XPNPEP1: variants seen among roughly 807,000 people sequenced by gnomAD.
XPNPEP1 encodes X-prolyl aminopeptidase 1.
A neutral mutation model predicts 92.4 loss-of-function variants in XPNPEP1; 39 were observed. The ratio of observed to expected loss-of-function variants is 0.42; its 90% CI spans 0.33 to 0.55. The LOEUF is 0.55. XPNPEP1 is among the 20% of genes least tolerant of loss of function. The pLI, the probability that XPNPEP1 is intolerant of heterozygous loss-of-function variation, is 0.08. For synonymous variants in XPNPEP1, 307 were observed against 299.4 expected (o/e 1.03, Z -0.26); for missense variants, 654 against 856.1 (o/e 0.76, Z 2.95).
chr10:109,908,028 T>C (rs1052341633), intron 2 of XPNPEP1, among the ~76,000 whole-genome samples: 2 of 152,234 alleles, frequency 1.3e-5, no homozygotes, highest in Admixed American at 1.3e-4. Context: ...TAGCCATTTG[T>C]GGCCAGAAAA....
In XPNPEP1 at chr10:109,888,521, G is replaced by C; in HGVS notation, c.490C>G (p.Pro164Ala). ...LPEGSRVGVDPLIIPTDYWKK... is the reference protein window; with the variant it reads ...LPEGSRVGVDALIIPTDYWKK... The stretch of plus-strand genomic sequence containing the variant: ...CACTTACCTGTAGGAATGATCAAGG[G>C]GTCCACACCAACCCTGGATCCTTCA... Residue 164 changes from proline (P) to alanine (A), a missense_variant, in exon 6 of 21, where the codon CCC (proline) becomes GCC (alanine). Transcript: ENST00000502935. 1 of 1,611,048 alleles carries C rather than the reference G, an allele frequency of 6.2e-7. No homozygotes were observed. Among genetic ancestry groups the C allele is most frequent in the Non-Finnish European group, 8.5e-7 (1 of 1,178,494 alleles).
rs185302575 is a variant in XPNPEP1 at position 109,900,754 on chromosome 10, C to A, written c.246+6937G>T. Reference sequence around the variant, plus strand: ...TAAACACTGCTCCCTCTGATCATGTCACTCTAAAATCCTGATTCTGGTGGT... The same window carrying A: ...TAAACACTGCTCCCTCTGATCATGTAACTCTAAAATCCTGATTCTGGTGGT... On this transcript the variant is annotated intron_variant, in intron 3 of 20. Coordinates refer to ENST00000502935, the MANE Select transcript of XPNPEP1 (RefSeq NM_020383.4). 7.7e-4 allele frequency among the ~76,000 whole-genome samples: 117 copies of A among 152,294 alleles called. 1 individual carries two copies. The highest frequency in any genetic ancestry group is 2.8e-3 in the African/African-American group (116 of 41,556).
intron 2 of XPNPEP1, among the ~76,000 whole-genome samples, chr10:109,914,198 A>G (rs1850042826): frequency 6.6e-6 from 1 of 152,226 alleles, no homozygotes; most frequent in Non-Finnish European, 1.5e-5. Context: ...CTGGCAACCC[A>G]TCAGACAATT....
chr10:109,890,047 C>T (rs570543937), intron 5 of XPNPEP1, among the ~76,000 whole-genome samples: 4 of 152,126 alleles, frequency 2.6e-5, no homozygotes, highest in Non-Finnish European at 4.4e-5. Flanking sequence ...AGATCTTCGG[C>T]AAAACCCCAG....
At chr10:109,921,899 G>A (rs138032762) in intron 1 of XPNPEP1, among the ~76,000 whole-genome samples, 2 of 152,204 alleles carry the variant, frequency 1.3e-5, no homozygotes, top group Non-Finnish European at 2.9e-5. Context: ...CATTAGGAAG[G>A]AGGGCTCAAC....
At chr10:109,882,379 A>G in intron 10 of XPNPEP1, 53 bp downstream of exon 10, 1 of 1,581,768 alleles carries the variant, frequency 6.3e-7, no homozygotes, top group South Asian at 1.1e-5. Context: ...AGACAATACC[A>G]GAACTGGGAA....
Position 109,923,405 on chromosome 10 carries a change from A to G in XPNPEP1, c.29T>C (p.Val10Ala). The change falls in exon 1 of 21, where the codon GTA (valine) becomes GCA (alanine). Residue 10 changes from valine (V) to alanine (A), a missense_variant. Physicochemically the swap from Val to Ala is moderately conservative, Grantham distance 64. Transcript: ENST00000502935. MAASRKPPRVRVNHQDFQLR... is the reference protein window; with the variant it reads MAASRKPPRARVNHQDFQLR... ...GCTGCCGGCGGAGTGCCCTCACCTT[A>G]CTCGCGGTGGCTTTCTGGAGGCTGC... is the stretch of plus-strand genomic sequence containing the variant. 1 of 1,438,374 alleles carries G rather than the reference A, an allele frequency of 7.0e-7. No homozygotes were observed. The highest frequency in any genetic ancestry group is 9.1e-7 in the Non-Finnish European group (1 of 1,095,650). 89.1% of individuals were successfully genotyped at this position (1,438,374 alleles called of 1,614,324 possible).
chr10:109,880,284 C>T (rs1483599827), intron 11 of XPNPEP1, 46 bp from the exon 12 acceptor site: 8 of 1,600,406 alleles, frequency 5.0e-6, no homozygotes, highest in South Asian at 2.2e-5. Context: ...CTGAAAATCA[C>T]GTGACCAGAT....
In XPNPEP1 at chr10:109,891,763, G is replaced by C. The variant is rs1848716418; in HGVS notation, c.374C>G (p.Ala125Gly). 6.3e-7 allele frequency: 1 copy of C among 1,597,332 alleles called. No individual in the cohort carries two copies. The highest frequency in any genetic ancestry group is 1.1e-5 in the South Asian group (1 of 87,910). ...MWTDGRYFLQ[A>G]AKQMDSNWTL... ...CCAGTTGCTGTCCATTTGCTTGGCA[G>C]CCTGGAGAAAGTAGCGCCCGTCAGT... Residue 125 changes from alanine to glycine, a missense_variant, in exon 5 of 21, where the codon GCT becomes GGT. Coordinates refer to ENST00000502935, the MANE Select transcript of XPNPEP1 (RefSeq NM_020383.4).
In XPNPEP1 at chr10:109,877,852, A is replaced by G. The variant is rs1322712239; in HGVS notation, c.1257T>C (p.Phe419=). ...AEEFRRQQAD[F]VDLSFPTISS... is the part of the protein sequence containing the mutation. The stretch of plus-strand genomic sequence containing the variant: ...AAATTGTTGGGAAGCTCAGGTCCAC[A>G]AAGTCTGCCTGTTGCCTGTAACAGA... Residue 419 remains phenylalanine (F), a synonymous_variant, in exon 14 of 21, where the codon TTT becomes TTC. Coordinates refer to ENST00000502935, the MANE Select transcript of XPNPEP1 (RefSeq NM_020383.4). The G allele has an allele frequency of 1.2e-6, 2 of 1,614,258 alleles. No homozygotes were observed. Among genetic ancestry groups the G allele is most frequent in the Non-Finnish European group, 1.7e-6 (2 of 1,180,038 alleles).
Position 109,915,078 on chromosome 10 carries a change from T to G in XPNPEP1, c.54A>C (p.Gln18His). 2 of 1,528,578 alleles carry G rather than the reference T, an allele frequency of 1.3e-6. No individual in the cohort carries two copies. The highest frequency in any genetic ancestry group is 1.8e-6 in the Non-Finnish European group (2 of 1,141,996). 94.7% of individuals were successfully genotyped at this position (1,528,578 alleles called of 1,614,324 possible). A position where few individuals can be genotyped will look rare whatever the true frequency, so the allele number is the denominator to read the frequency against. ...GTTCAATTATTCTTAAATTTCTCAGTTGAAAATCCTGGTGATTCACCCTTA... is the reference window on the plus strand; with the variant it reads ...GTTCAATTATTCTTAAATTTCTCAGGTGAAAATCCTGGTGATTCACCCTTA... ...PRVRVNHQDF[Q>H]LRNLRIIEPN... Residue 18 changes from glutamine to histidine, a missense_variant, in exon 2 of 21, where the codon CAA (glutamine) becomes CAC (histidine). By Grantham distance (24) the Gln-to-His change is conservative. Coordinates refer to ENST00000502935, the MANE Select transcript of XPNPEP1 (RefSeq NM_020383.4).
chr10:109,912,452 G>A (rs1849931138), intron 2 of XPNPEP1, among the ~76,000 whole-genome samples: 1 of 152,208 alleles, frequency 6.6e-6, no homozygotes, highest in African/African-American at 2.4e-5. Context: ...GGCCCTGGTG[G>A]TTGAGGCAGC....
At chr10:109,887,428 C>T (rs1393492487) in intron 7 of XPNPEP1, among the ~76,000 whole-genome samples, 2 of 152,200 alleles carry the variant, frequency 1.3e-5, no homozygotes, top group Non-Finnish European at 2.9e-5. Flanking sequence ...CCCAGGACCC[C>T]TCTGGGCAAT....
intron 3 of XPNPEP1, among the ~76,000 whole-genome samples, chr10:109,901,056 G>A (rs1189645171): frequency 2.0e-5 from 3 of 152,102 alleles, no homozygotes; most frequent in Non-Finnish European, 4.4e-5. Flanking sequence ...GTGATAGACT[G>A]GATTCAGAAA....
At chr10:109,878,192 C>T (rs1847888990) in intron 12 of XPNPEP1, 134 bp from the exon 13 acceptor site, 4 of 903,600 alleles carry the variant, frequency 4.4e-6, no homozygotes, top group Admixed American at 4.3e-5. Flanking sequence ...CAGGACACAT[C>T]TTTAGCAAGG....
intron 3 of XPNPEP1, among the ~76,000 whole-genome samples, chr10:109,904,460 G>A (rs1849448153): frequency 6.6e-6 from 1 of 151,838 alleles, no homozygotes; most frequent in Non-Finnish European, 1.5e-5. Context: ...TGAAACACTA[G>A]AGTCTCCCAC....
intron 1 of XPNPEP1, among the ~76,000 whole-genome samples, chr10:109,918,858 GGGAAGGAAGGAAGGAAGGAA>G (rs869050041): frequency 0.14 from 12,034 of 87,098 alleles, 1,029 homozygotes; most frequent in African/African-American, 0.23. Context: ...GAAGGAAGGA[GGGAAGGAAGGAAGGAAGGAA>G]GGAAGGAAGG....
At chr10:109,870,668 C>A in intron 18 of XPNPEP1, 63 bp downstream of exon 18, 1 of 1,521,290 alleles carries the variant, frequency 6.6e-7, no homozygotes, top group Admixed American at 2.2e-5. Flanking sequence ...AAATACAAAA[C>A]AACGAATAGC....
rs17126864 is a variant in XPNPEP1 at position 109,878,156 on chromosome 10, T to C, written c.1183-98A>G. ...CATTAAAAGCTCACTTTTTCCTCAATTGCTTCATCCCAACTGACCAATCTA... is the reference window on the plus strand; with the variant it reads ...CATTAAAAGCTCACTTTTTCCTCAACTGCTTCATCCCAACTGACCAATCTA... On this transcript the variant is annotated intron_variant, in intron 12 of 20. Transcript: ENST00000502935. 4.0e-3 allele frequency: 5,713 copies of C among 1,412,066 alleles called. 196 individuals are homozygous for C. The African/African-American group carries it at 0.07, about 17-fold the overall frequency. The allele number at this position is 1,412,066 out of a possible 1,614,324, so 87.5% of individuals were successfully genotyped here. A position where few individuals can be genotyped will look rare whatever the true frequency, so the allele number is the denominator to read the frequency against.
Sources: gnomAD v4.1 joint callset for allele counts (sites outside exome capture counted in the v4.1 genomes callset) on GRCh38, gnomAD v4.1.1 for gene constraint, MANE v1.5 for transcripts, NCBI Gene and HGNC (gene_info 2026-07-23, HGNC 2026-07-21) for gene names.